The following TRPM3 variants were observed in gnomAD, a reference collection of about 807,000 sequenced individuals.
TRPM3 encodes transient receptor potential cation channel subfamily M member 3, also known as long transient receptor potential channel 3.
TRPM3 carries 77 observed loss-of-function variants against 181.2 expected under a neutral mutation model. The observed-to-expected ratio is 0.42, with a 90% CI of 0.35 to 0.51. TRPM3 has a LOEUF of 0.51. TRPM3 is among the 20% of genes least tolerant of loss of function. The pLI, the probability that TRPM3 is intolerant of heterozygous loss-of-function variation, is 0.01. For missense variants in TRPM3, 1,759 were observed against 2,196.7 expected (o/e 0.80, Z 3.98); for synonymous variants, 745 against 796.4 (o/e 0.94, Z 1.09).
intron 9 of TRPM3, among the ~76,000 whole-genome samples, chr9:70,643,816 A>G (rs963017871): frequency 7.9e-5 from 12 of 152,346 alleles, no homozygotes; most frequent in Admixed American, 6.5e-4. Flanking sequence ...AAGTTCCCCA[A>G]TGATTCTAAT....
At chr9:71,430,285 G>A (rs921137110) in intron 1 of TRPM3, among the ~76,000 whole-genome samples, 1 of 152,058 alleles carries the variant, frequency 6.6e-6, no homozygotes, top group Non-Finnish European at 1.5e-5. Context: ...AAAATGCTAA[G>A]CATACATCAA....
chr9:71,181,419 T>C (rs2077396696), intron 1 of TRPM3, among the ~76,000 whole-genome samples: 1 of 151,082 alleles, frequency 6.6e-6, no homozygotes, highest in South Asian at 2.1e-4. Context: ...AGCCACAAGA[T>C]GATAAACAAA....
At chr9:71,279,037 A>C (rs2084459113) in intron 1 of TRPM3, among the ~76,000 whole-genome samples, 1 of 95,572 alleles carries the variant, frequency 1.0e-5, no homozygotes, top group Non-Finnish European at 2.2e-5. Flanking sequence ...GCTTAGGTTA[A>C]AAAAAATAAA....
chr9:71,365,954 TA>T (rs994217445), intron 1 of TRPM3, among the ~76,000 whole-genome samples: 8 of 151,082 alleles, frequency 5.3e-5, no homozygotes, highest in Non-Finnish European at 8.9e-5. Context: ...CAAAGTAAAA[TA>T]AAAAAAGGGG....
At chr9:71,373,311 TA>T (rs35902768) in intron 1 of TRPM3, among the ~76,000 whole-genome samples, 1,601 of 145,202 alleles carry the variant, frequency 0.011, 26 homozygotes, top group African/African-American at 0.034. Flanking sequence ...GAAAAACCCT[TA>T]AAAAAAAAAA....
chr9:71,048,661 A>C (rs1427815095), intron 1 of TRPM3, among the ~76,000 whole-genome samples: 1 of 152,228 alleles, frequency 6.6e-6, no homozygotes, highest in Non-Finnish European at 1.5e-5. Context: ...CTATGATTTG[A>C]ATCTACTCTG....
intron 8 of TRPM3, among the ~76,000 whole-genome samples, chr9:70,751,777 C>G (rs964261049): frequency 6.6e-6 from 1 of 151,820 alleles, no homozygotes; most frequent in African/African-American, 2.4e-5. Context: ...GGATGTGTTG[C>G]CTGTTTAGAG....
intron 1 of TRPM3, among the ~76,000 whole-genome samples, chr9:70,920,647 C>T (rs2096644736): frequency 6.6e-6 from 1 of 151,848 alleles, no homozygotes; most frequent in Non-Finnish European, 1.5e-5. Context: ...CATGAAACTC[C>T]CAGCATGAAT....
At chr9:71,054,871 T>C (rs2060479663) in intron 1 of TRPM3, among the ~76,000 whole-genome samples, 1 of 152,118 alleles carries the variant, frequency 6.6e-6, no homozygotes, top group Admixed American at 6.5e-5. Context: ...CCCATTTCCA[T>C]TCTATAAAAT....
intron 1 of TRPM3, among the ~76,000 whole-genome samples, chr9:70,954,846 A>G (rs1163384437): frequency 1.3e-5 from 2 of 152,132 alleles, no homozygotes; most frequent in African/African-American, 4.8e-5. Context: ...CTACATTCCA[A>G]TATGAATTAT....
At chr9:71,079,897 A>G (rs1488831721) in intron 1 of TRPM3, among the ~76,000 whole-genome samples, 1 of 152,156 alleles carries the variant, frequency 6.6e-6, no homozygotes, top group African/African-American at 2.4e-5. Flanking sequence ...TGAGCCAGGC[A>G]TGGTGGCACA....
chr9:71,084,252 T>A (rs1313764495), intron 1 of TRPM3, among the ~76,000 whole-genome samples: 1 of 152,020 alleles, frequency 6.6e-6, no homozygotes, highest in Admixed American at 6.6e-5. Context: ...ATGAGCCACG[T>A]AGTATATTTA....
chr9:71,279,019 C>T (rs916284511), intron 1 of TRPM3, among the ~76,000 whole-genome samples: 3 of 139,520 alleles, frequency 2.2e-5, no homozygotes. Flanking sequence ...CCTCACCAAA[C>T]TTATCCTGCT....
intron 22 of TRPM3, among the ~76,000 whole-genome samples, chr9:70,574,084 A>ACGCG (rs34215081): frequency 6.9e-6 from 1 of 145,558 alleles, no homozygotes; most frequent in Admixed American, 6.8e-5. Flanking sequence ...AGACACACAC[A>ACGCG]CGCGCGCGCA....
chr9:71,354,096 T>G (rs1565491721), intron 1 of TRPM3, among the ~76,000 whole-genome samples: 1 of 152,140 alleles, frequency 6.6e-6, no homozygotes. Context: ...TATGCTTTCC[T>G]CTCTCCGCTC....
intron 1 of TRPM3, among the ~76,000 whole-genome samples, chr9:71,181,447 T>G (rs935258261): frequency 6.6e-6 from 1 of 151,802 alleles, no homozygotes; most frequent in African/African-American, 2.4e-5. Flanking sequence ...TCTGAGCCCT[T>G]AGGTCAACTC....
intron 20 of TRPM3, among the ~76,000 whole-genome samples, chr9:70,600,698 A>G (rs899415353): frequency 1.3e-5 from 2 of 152,204 alleles, no homozygotes; most frequent in Non-Finnish European, 2.9e-5. Flanking sequence ...CCTAGTCATC[A>G]GCAATCTCTG....
At chr9:71,153,939 T>C (rs1163132727) in intron 1 of TRPM3, among the ~76,000 whole-genome samples, 1 of 152,166 alleles carries the variant, frequency 6.6e-6, no homozygotes, top group East Asian at 1.9e-4. Context: ...GTGCCTTTAC[T>C]GTTTTGCAAC....
At chr9:70,691,961 A>G (rs988195447) in intron 8 of TRPM3, among the ~76,000 whole-genome samples, 1 of 152,166 alleles carries the variant, frequency 6.6e-6, no homozygotes, top group African/African-American at 2.4e-5. Flanking sequence ...TCTTATCACT[A>G]GAGACAGAAA....
Sources: allele counts gnomAD v4.1 joint callset (sites outside exome capture counted in the v4.1 genomes callset), GRCh38; gene constraint gnomAD v4.1.1; transcripts MANE v1.5; gene names NCBI Gene and HGNC (gene_info 2026-07-23, HGNC 2026-07-21).